PRKCB: variants seen among roughly 807,000 people sequenced by gnomAD.
PRKCB encodes the protein protein kinase C beta type.
Under a neutral mutation model 81.5 loss-of-function variants are expected in PRKCB, and 13 were observed. That is an observed-to-expected ratio of 0.16 (90% confidence interval 0.10 to 0.25). The LOEUF (loss-of-function observed/expected upper bound fraction) is 0.25, where lower values mean the gene tolerates loss of function less well. PRKCB is among the 10% of genes least tolerant of loss of function. The pLI, the probability that PRKCB is intolerant of heterozygous loss-of-function variation, is 1.00. For missense variants in PRKCB, 509 were observed against 875.7 expected (o/e 0.58, Z 5.29); for synonymous variants, 335 against 321.4 (o/e 1.04, Z -0.45).
intron 5 of PRKCB, among the ~76,000 whole-genome samples, chr16:24,058,784 C>G (rs1218504377): frequency 6.6e-6 from 1 of 152,074 alleles, no homozygotes; most frequent in Admixed American, 6.5e-5. Flanking sequence ...ATTTGGTGAG[C>G]CATTGTAGGT....
intron 2 of PRKCB, among the ~76,000 whole-genome samples, chr16:23,860,775 T>C (rs1340319295): frequency 6.6e-6 from 1 of 151,012 alleles, no homozygotes; most frequent in African/African-American, 2.4e-5. Context: ...GGCATGGTGG[T>C]GTGTGCCTGT....
At chr16:23,991,793 C>A (rs1323932662) in intron 3 of PRKCB, among the ~76,000 whole-genome samples, 5 of 152,188 alleles carry the variant, frequency 3.3e-5, no homozygotes, top group Non-Finnish European at 5.9e-5. Context: ...AATCTTATAT[C>A]TTATCAGTGC....
rs1334198181 is a variant in PRKCB, at chr16:24,214,887, G to A, written c.*71G>A. 1.1e-5 allele frequency: 17 copies of A among 1,570,422 alleles called. 1 individual carries two copies. Among genetic ancestry groups the A allele is most frequent in the Non-Finnish European group, 1.5e-5 (17 of 1,158,666 alleles). ...ACGGCTATTGTGGTGACATTTTTAT[G>A]TTTTTCATTGCCAAGTTGCATCCAT... On this transcript the variant is annotated 3_prime_UTR_variant, in exon 17 of 17. Transcript: ENST00000643927.
intron 2 of PRKCB, among the ~76,000 whole-genome samples, chr16:23,975,432 G>A (rs1286055553): frequency 6.6e-6 from 1 of 152,062 alleles, no homozygotes; most frequent in Non-Finnish European, 1.5e-5. Context: ...AGTAGCAAAG[G>A]GTCTAAATCG....
intron 2 of PRKCB, among the ~76,000 whole-genome samples, chr16:23,891,002 C>CGTGT (rs10551727): frequency 0.044 from 6,535 of 147,808 alleles, 498 homozygotes; most frequent in African/African-American, 0.15. Flanking sequence ...ATATATAATG[C>CGTGT]GTGTGTGTGT....
intron 4 of PRKCB, 121 bp downstream of exon 4, chr16:24,032,368 G>A (rs948003781): frequency 4.9e-6 from 3 of 609,848 alleles, no homozygotes; most frequent in Non-Finnish European, 8.5e-6. Context: ...TGGGGCTGGT[G>A]TACCAGTTAT....
At chr16:23,883,477 G>C (rs893904942) in intron 2 of PRKCB, among the ~76,000 whole-genome samples, 7 of 152,122 alleles carry the variant, frequency 4.6e-5, no homozygotes, top group African/African-American at 1.7e-4. Context: ...AAGTGCAGTG[G>C]GAAGCCACTG....
At chr16:23,997,319 C>G (rs559974310) in intron 3 of PRKCB, among the ~76,000 whole-genome samples, 23 of 152,276 alleles carry the variant, frequency 1.5e-4, no homozygotes, top group Admixed American at 3.3e-4. Flanking sequence ...ATTACCATTA[C>G]CTGTGATTAA....
chr16:23,919,728 A>G (rs1049511311), intron 2 of PRKCB, among the ~76,000 whole-genome samples: 1 of 152,124 alleles, frequency 6.6e-6, no homozygotes, highest in African/African-American at 2.4e-5. Context: ...TTTGAATACT[A>G]TAGGTATCTC....
intron 2 of PRKCB, among the ~76,000 whole-genome samples, chr16:23,960,123 C>G (rs1038212948): frequency 6.6e-6 from 1 of 152,184 alleles, no homozygotes; most frequent in Non-Finnish European, 1.5e-5. Context: ...TAATGTCCCC[C>G]AGGGCCCATC....
intron 9 of PRKCB, among the ~76,000 whole-genome samples, chr16:24,150,299 G>T (rs1967059854): frequency 6.6e-6 from 1 of 152,134 alleles, no homozygotes; most frequent in Non-Finnish European, 1.5e-5. Context: ...CCCAGCCTGG[G>T]CAACAGGGTG....
intron 2 of PRKCB, among the ~76,000 whole-genome samples, chr16:23,894,782 C>T (rs1311011526): frequency 6.6e-6 from 1 of 152,172 alleles, no homozygotes; most frequent in Admixed American, 6.5e-5. Flanking sequence ...TTGATTCATT[C>T]TGACATTATG....
At chr16:24,023,864 C>T (rs1348284342) in intron 3 of PRKCB, among the ~76,000 whole-genome samples, 1 of 152,178 alleles carries the variant, frequency 6.6e-6, no homozygotes, top group African/African-American at 2.4e-5. Context: ...GTGCTAACTC[C>T]CAGCACAGCC....
intron 10 of PRKCB, among the ~76,000 whole-genome samples, chr16:24,165,037 A>G (rs1967321697): frequency 6.6e-6 from 1 of 151,876 alleles, no homozygotes; most frequent in African/African-American, 2.4e-5. Flanking sequence ...ATTCTATTTT[A>G]TTTATTTATT....
chr16:24,124,804 C>T (rs1445413432), intron 9 of PRKCB, among the ~76,000 whole-genome samples: 2 of 152,168 alleles, frequency 1.3e-5, no homozygotes, highest in African/African-American at 4.8e-5. Context: ...AAGCCAAAAA[C>T]CTGGGAGTTA....
chr16:23,934,339 C>T (rs1964028470), intron 2 of PRKCB, among the ~76,000 whole-genome samples: 1 of 129,472 alleles, frequency 7.7e-6, no homozygotes, highest in South Asian at 2.5e-4. Flanking sequence ...TTTTTTTTGA[C>T]ATTAAAAGCT....
intron 2 of PRKCB, among the ~76,000 whole-genome samples, chr16:23,860,577 C>T (rs755873486): frequency 2.6e-4 from 40 of 152,158 alleles, no homozygotes; most frequent in African/African-American, 8.9e-4. Context: ...CATGGAACTA[C>T]GTAGTTTTAA....
chr16:24,046,042 G>A (rs1965759601), intron 5 of PRKCB, among the ~76,000 whole-genome samples: 1 of 152,246 alleles, frequency 6.6e-6, no homozygotes, highest in Non-Finnish European at 1.5e-5. Flanking sequence ...CTGGCCTGGT[G>A]CAGCATGAGC....
In PRKCB at chr16:24,035,399, C is replaced by A; in HGVS notation, c.401-20C>A. The A allele has an allele frequency of 6.2e-7, 1 of 1,611,852 alleles. No individual in the cohort carries two copies. Among genetic ancestry groups the A allele is most frequent in the Non-Finnish European group, 8.5e-7 (1 of 1,178,830 alleles). On this transcript the variant is annotated intron_variant, in intron 4 of 16. Transcript: ENST00000643927. ...AGCCTGGGCCAGCCTAAGCCACATC[C>A]CCTCTCTCTGCCCTCACAGCCTGCA... is the stretch of plus-strand genomic sequence containing the variant.
Sources: allele counts gnomAD v4.1 joint callset (sites outside exome capture counted in the v4.1 genomes callset), GRCh38; gene constraint gnomAD v4.1.1; transcripts MANE v1.5; gene names NCBI Gene and HGNC (gene_info 2026-07-23, HGNC 2026-07-21).